The following NUCB1 variants were observed in gnomAD, a reference collection of about 807,000 sequenced individuals.
The protein encoded by NUCB1 is nucleobindin 1.
Under a neutral mutation model 61.2 loss-of-function variants are expected in NUCB1, and 47 were observed. The observed-to-expected ratio is 0.77, with a 90% CI of 0.61 to 0.98. NUCB1 has a LOEUF of 0.98. NUCB1 is among the 50% of genes least tolerant of loss of function. The pLI is 0.00. For missense variants in NUCB1, 583 were observed against 605.3 expected (o/e 0.96, Z 0.39); for synonymous variants, 234 against 243.1 (o/e 0.96, Z 0.35).
intron 4 of NUCB1, among the ~76,000 whole-genome samples, chr19:48,907,793 C>T (rs1001549048): frequency 6.6e-6 from 1 of 152,206 alleles, no homozygotes; most frequent in Non-Finnish European, 1.5e-5. Flanking sequence ...CTTGTCTGCT[C>T]GGAGCCTGGG....
intron 4 of NUCB1, 50 bp from the exon 5 acceptor site, chr19:48,911,099 G>C (rs769534927): frequency 1.5e-6 from 2 of 1,348,460 alleles, no homozygotes; most frequent in South Asian, 1.2e-5. Context: ...CCAAGATGGG[G>C]GTTCTGAAAG....
chr19:48,909,890 C>T (rs1459865321), intron 4 of NUCB1, among the ~76,000 whole-genome samples: 1 of 151,892 alleles, frequency 6.6e-6, no homozygotes, highest in Admixed American at 6.6e-5. Flanking sequence ...GATTAGGGCC[C>T]ACAGTAATGA....
rs57686025 is a variant in NUCB1 at position 48,908,721 on chromosome 19, G to GGTGTGTGTGT, written c.377-2395_377-2386dup. 6.1e-3 allele frequency among the ~76,000 whole-genome samples: 668 copies of GGTGTGTGTGT among 109,362 alleles called. 17 individuals are homozygous for GGTGTGTGTGT. Among genetic ancestry groups the GGTGTGTGTGT allele is most frequent in the Non-Finnish European group, 8.3e-3 (455 of 54,610 alleles). The allele number at this position is 109,362 out of a possible 152,430, so 71.7% of individuals were successfully genotyped here. On this transcript the variant is annotated intron_variant, in intron 4 of 12. Coordinates refer to ENST00000405315, the MANE Select transcript of NUCB1 (RefSeq NM_006184.6). ...TGTCTTTCTGCCCACTTGACCAAGGGGTGTGTGTGTGTGTGTGTGTGTGTG... is the reference window on the plus strand; with the variant it reads ...TGTCTTTCTGCCCACTTGACCAAGGGGTGTGTGTGTGTGTGTGTGTGTGTGTGTGTGTGTG...
intron 10 of NUCB1, among the ~76,000 whole-genome samples, chr19:48,919,634 C>T (rs527912373): frequency 2.8e-4 from 43 of 151,788 alleles, no homozygotes; most frequent in African/African-American, 8.9e-4. Context: ...CGTGCCACCA[C>T]ACCCAGCTGA....
chr19:48,921,349 A>G (rs1033046231), intron 11 of NUCB1, 25 bp downstream of exon 11: 27 of 1,559,690 alleles, frequency 1.7e-5, no homozygotes, highest in Non-Finnish European at 2.3e-5. Flanking sequence ...AGCTGCTTCC[A>G]TCCACTGAAT....
At chr19:48,906,194 T>C (rs959549253) in intron 4 of NUCB1, among the ~76,000 whole-genome samples, 11 of 151,946 alleles carry the variant, frequency 7.2e-5, no homozygotes, top group Non-Finnish European at 2.9e-5. Context: ...TCACCTGAGG[T>C]CGGGAATTGG....
chr19:48,900,649 T>C, intron 1 of NUCB1, 137 bp from the exon 2 acceptor site: 1 of 1,220,866 alleles, frequency 8.2e-7, no homozygotes, highest in Non-Finnish European at 1.1e-6. Flanking sequence ...CCTGGAATCC[T>C]GGGGCCTGGG....
chr19:48,915,315 C>T (rs960249773), intron 7 of NUCB1, among the ~76,000 whole-genome samples: 3 of 131,882 alleles, frequency 2.3e-5, no homozygotes, highest in Non-Finnish European at 4.8e-5. Flanking sequence ...CCAGTCTCTA[C>T]TAAAAATACA....
intron 2 of NUCB1, among the ~76,000 whole-genome samples, chr19:48,902,729 CAA>C (rs1254317176): frequency 1.3e-5 from 2 of 151,822 alleles, no homozygotes; most frequent in African/African-American, 2.4e-5. Context: ...TATGTTAAGT[CAA>C]GAGCAAGGAA....
chr19:48,904,520 C>G (rs1381777273), intron 3 of NUCB1, 66 bp downstream of exon 3: 2 of 915,768 alleles, frequency 2.2e-6, no homozygotes, highest in Non-Finnish European at 3.3e-6. Context: ...CAGGGGAGGA[C>G]TGGTTTCTTT....
chr19:48,908,034 C>T (rs931643484), intron 4 of NUCB1, among the ~76,000 whole-genome samples: 1 of 152,160 alleles, frequency 6.6e-6, no homozygotes, highest in Admixed American at 6.5e-5. Flanking sequence ...TGTGAAGGAG[C>T]CTCTGTGTTA....
chr19:48,905,343 T>G (rs765567631), intron 3 of NUCB1, among the ~76,000 whole-genome samples: 2 of 152,176 alleles, frequency 1.3e-5, no homozygotes, highest in Admixed American at 6.5e-5. Context: ...AGTAGGACAC[T>G]GAACCCTCGT....
At chr19:48,906,714 T>A (rs1481442003) in intron 4 of NUCB1, among the ~76,000 whole-genome samples, 1 of 150,976 alleles carries the variant, frequency 6.6e-6, no homozygotes. Context: ...CAGAACAAGA[T>A]CCCATCTCAA....
chr19:48,909,791 C>T (rs2037452240), intron 4 of NUCB1, among the ~76,000 whole-genome samples: 1 of 152,104 alleles, frequency 6.6e-6, no homozygotes, highest in African/African-American at 2.4e-5. Flanking sequence ...ATCCTCCCAC[C>T]TCAGTCTCCC....
intron 4 of NUCB1, among the ~76,000 whole-genome samples, chr19:48,906,796 C>G (rs952206386): frequency 4.6e-5 from 7 of 152,070 alleles, no homozygotes; most frequent in African/African-American, 1.7e-4. Flanking sequence ...CCCAAACACC[C>G]CTGACCTGGC....
Position 48,900,335 on chromosome 19 carries a change from T to C in NUCB1, c.-49T>C, listed in dbSNP as rs150772178. 528 of 164,020 alleles carry C rather than the reference T, an allele frequency of 3.2e-3. 5 individuals are homozygous for C. Among genetic ancestry groups the C allele is most frequent in the African/African-American group, 0.012 (507 of 41,682 alleles). The allele number at this position is 164,020 out of a possible 1,614,324, so 10.2% of individuals were successfully genotyped here. ...TCACCAAGAACGCACCGGAGGTCCT[T>C]GCCCGCCCTGGAAAACGCCCTCTGC... On this transcript the variant is annotated 5_prime_UTR_variant, in exon 1 of 13. Transcript: ENST00000405315.
In NUCB1 at chr19:48,919,246, C is replaced by T. The variant is rs1299368005; in HGVS notation, c.962C>T (p.Thr321Ile). ...LVTLEEFLAS[T>I]QRKEFGDTGE... ...ACCCTGGAGGAGTTCCTCGCATCCA[C>T]TCAGAGGAAGGAGTTTGGGGACACC... Residue 321 changes from threonine (T) to isoleucine (I), a missense_variant, in exon 10 of 13, where the codon ACT becomes ATT. Physicochemically the swap from Thr to Ile is moderately conservative, Grantham distance 89. Transcript: ENST00000405315. 34 of 1,613,898 alleles carry T rather than the reference C, an allele frequency of 2.1e-5. No homozygotes were observed. The highest frequency in any genetic ancestry group is 2.8e-5 in the Non-Finnish European group (33 of 1,179,878).
At position 48,922,653 on chromosome 19, in the gene NUCB1, C is replaced by T. The variant is rs188688760; in HGVS notation, c.*229C>T. The stretch of plus-strand genomic sequence containing the variant: ...TTCTGTCCTCCGAGGGGCTTGCCTT[C>T]TCTCGTGTCCAGTGAGGTGCTCAGT... On this transcript the variant is annotated 3_prime_UTR_variant, in exon 13 of 13. Transcript: ENST00000405315. The T allele has an allele frequency of 2.1e-4, 110 of 520,570 alleles. No individual in the cohort carries two copies. The highest frequency in any genetic ancestry group is 1.5e-3 in the African/African-American group (78 of 52,016). The allele number at this position is 520,570 out of a possible 1,614,324, so 32.2% of individuals were successfully genotyped here.
At chr19:48,903,569 A>G (rs866347674) in intron 2 of NUCB1, among the ~76,000 whole-genome samples, 494 of 5,862 alleles carry the variant, frequency 0.084, 3 homozygotes, top group African/African-American at 0.13. Context: ...TGGATGGATG[A>G]GTGGATGGAT....
Sources: allele counts gnomAD v4.1 joint callset (sites outside exome capture counted in the v4.1 genomes callset), GRCh38; gene constraint gnomAD v4.1.1; transcripts MANE v1.5; gene names NCBI Gene and HGNC (gene_info 2026-07-23, HGNC 2026-07-21).